MGAT5: variants seen among roughly 807,000 people sequenced by gnomAD.
MGAT5 encodes alpha-1,6-mannosylglycoprotein 6-beta-N-acetylglucosaminyltransferase A.
In MGAT5, 30 loss-of-function variants were observed where a neutral mutation model predicts 94.3. The observed-to-expected ratio is 0.32, with a 90% CI of 0.24 to 0.43. The LOEUF (loss-of-function observed/expected upper bound fraction) is 0.43. Among genes scored for constraint, MGAT5 ranks in the 20% least tolerant of loss-of-function variants. The probability of loss-of-function intolerance (pLI) is 1.00; values close to 1 mark genes in which losing one functional copy is unlikely to be tolerated. For missense variants in MGAT5, 691 were observed against 905.5 expected (o/e 0.76, Z 3.04); for synonymous variants, 310 against 322.9 (o/e 0.96, Z 0.43).
chr2:134,160,600 C>T (rs1387133510), intron 1 of MGAT5, among the ~76,000 whole-genome samples: 2 of 152,202 alleles, frequency 1.3e-5, no homozygotes, highest in Admixed American at 1.3e-4. Flanking sequence ...CCTCCACTTC[C>T]CCCACCAGAA....
chr2:134,246,121 C>G (rs1682244241), intron 1 of MGAT5, among the ~76,000 whole-genome samples: 1 of 143,650 alleles, frequency 7.0e-6, no homozygotes, highest in Non-Finnish European at 1.5e-5. Flanking sequence ...TAGCCACTTC[C>G]AAAGGGAACA....
intron 1 of MGAT5, among the ~76,000 whole-genome samples, chr2:134,136,342 G>A (rs895992249): frequency 1.2e-4 from 18 of 152,142 alleles, no homozygotes; most frequent in Non-Finnish European, 1.3e-4. Flanking sequence ...CGAGGTGGGC[G>A]GACCACTTGA....
intron 8 of MGAT5, among the ~76,000 whole-genome samples, chr2:134,348,296 G>A (rs3791287): frequency 0.092 from 14,059 of 152,150 alleles, 769 homozygotes; most frequent in South Asian, 0.2. Flanking sequence ...ACATATCTTT[G>A]ATGATACTGT....
At chr2:134,314,909 A>C (rs950698098) in intron 2 of MGAT5, among the ~76,000 whole-genome samples, 2 of 152,194 alleles carry the variant, frequency 1.3e-5, no homozygotes, top group African/African-American at 4.8e-5. Flanking sequence ...ATTGGAACAC[A>C]GCCCATCCAT....
intron 1 of MGAT5, among the ~76,000 whole-genome samples, chr2:134,131,710 G>A (rs1686182603): frequency 6.7e-6 from 1 of 148,938 alleles, no homozygotes; most frequent in African/African-American, 2.5e-5. Context: ...CCCCCACCCT[G>A]GTCCCCCGCC....
chr2:134,153,821 C>T (rs2105026338), intron 1 of MGAT5, among the ~76,000 whole-genome samples: 1 of 152,228 alleles, frequency 6.6e-6, no homozygotes, highest in Middle Eastern at 3.4e-3. Flanking sequence ...GACATATTAA[C>T]TCTTGCTTAT....
chr2:134,154,453 GC>G (rs1687380005), intron 1 of MGAT5, among the ~76,000 whole-genome samples: 1 of 152,214 alleles, frequency 6.6e-6, no homozygotes, highest in Admixed American at 6.5e-5. Context: ...GCACAGGCAA[GC>G]CCCGTTTTGG....
At chr2:134,154,518 G>A (rs187827221) in intron 1 of MGAT5, among the ~76,000 whole-genome samples, 75 of 152,284 alleles carry the variant, frequency 4.9e-4, no homozygotes, top group African/African-American at 1.6e-3. Flanking sequence ...GGTTCCGCCC[G>A]TCCAGGTGTC....
intron 10 of MGAT5, among the ~76,000 whole-genome samples, chr2:134,396,434 CCT>C (rs929255968): frequency 7.2e-5 from 11 of 152,126 alleles, no homozygotes; most frequent in African/African-American, 2.2e-4. Flanking sequence ...TTGTCTCTCT[CCT>C]CTCTTTTTCT....
At chr2:134,415,460 G>T (rs1248291318) in intron 12 of MGAT5, among the ~76,000 whole-genome samples, 1 of 152,132 alleles carries the variant, frequency 6.6e-6, no homozygotes, top group Non-Finnish European at 1.5e-5. Context: ...ATTTTAATTT[G>T]ATTGGTTGGG....
At chr2:134,414,936 A>G (rs544495934) in intron 12 of MGAT5, among the ~76,000 whole-genome samples, 1 of 152,270 alleles carries the variant, frequency 6.6e-6, no homozygotes, top group Non-Finnish European at 1.5e-5. Context: ...ACATTCATCC[A>G]TGTTGCCGCC....
At chr2:134,149,162 T>C (rs1687059782) in intron 1 of MGAT5, among the ~76,000 whole-genome samples, 1 of 152,062 alleles carries the variant, frequency 6.6e-6, no homozygotes, top group South Asian at 2.1e-4. Flanking sequence ...TAAGAAATAG[T>C]GCAATGGGAA....
chr2:134,416,906 A>G (rs969871970), intron 12 of MGAT5, among the ~76,000 whole-genome samples: 1 of 151,108 alleles, frequency 6.6e-6, no homozygotes, highest in East Asian at 2.0e-4. Flanking sequence ...TGCCTGGCCT[A>G]TGTCACTCCT....
intron 9 of MGAT5, among the ~76,000 whole-genome samples, chr2:134,356,437 T>C (rs781281935): frequency 1.4e-4 from 21 of 152,148 alleles, no homozygotes; most frequent in Non-Finnish European, 1.0e-4. Flanking sequence ...AGGAGTTAGA[T>C]TGGAATCTTT....
At chr2:134,148,422 G>A (rs1008559840) in intron 1 of MGAT5, among the ~76,000 whole-genome samples, 11 of 152,200 alleles carry the variant, frequency 7.2e-5, no homozygotes, top group Admixed American at 7.2e-4. Context: ...TGCAGTGAAA[G>A]TTGAGAACCA....
At chr2:134,138,904 C>G (rs746157369) in intron 1 of MGAT5, among the ~76,000 whole-genome samples, 1 of 152,144 alleles carries the variant, frequency 6.6e-6, no homozygotes, top group South Asian at 2.1e-4. Flanking sequence ...GGTCCCCCTA[C>G]TGATAAGGTA....
chr2:134,232,530 A>G (rs1453005110), intron 1 of MGAT5, among the ~76,000 whole-genome samples: 1 of 152,214 alleles, frequency 6.6e-6, no homozygotes, highest in Non-Finnish European at 1.5e-5. Flanking sequence ...TGCTTAGAAA[A>G]CAATTTATTT....
chr2:134,280,267 A>G (rs577549376), intron 2 of MGAT5, among the ~76,000 whole-genome samples: 1 of 152,300 alleles, frequency 6.6e-6, no homozygotes, highest in African/African-American at 2.4e-5. Flanking sequence ...GAACTGCCCT[A>G]CAGTTCAGGA....
chr2:134,330,477 A>G (rs1238704925), intron 4 of MGAT5, among the ~76,000 whole-genome samples: 2 of 151,954 alleles, frequency 1.3e-5, no homozygotes, highest in East Asian at 3.9e-4. Flanking sequence ...GCAAATTCAC[A>G]TTAAGCCTTG....
Sources: allele counts gnomAD v4.1 joint callset (sites outside exome capture counted in the v4.1 genomes callset), GRCh38; gene constraint gnomAD v4.1.1; transcripts MANE v1.5; gene names NCBI Gene and HGNC (gene_info 2026-07-23, HGNC 2026-07-21).